HABP4: variants seen among roughly 807,000 people sequenced by gnomAD.
HABP4 encodes intracellular hyaluronan-binding protein 4.
A neutral mutation model predicts 44.1 loss-of-function variants in HABP4; 32 were observed. The ratio of observed to expected loss-of-function variants is 0.73; its 90% CI spans 0.55 to 0.97. The LOEUF is 0.97. HABP4 is among the 50% of genes least tolerant of loss of function. The probability of loss-of-function intolerance (pLI) is 0.00; values close to 1 mark genes in which losing one functional copy is unlikely to be tolerated. For missense variants in HABP4, 503 were observed against 561.9 expected, an observed-to-expected ratio of 0.90 and a Z score of 1.06; for synonymous variants, 216 against 218.0, an observed-to-expected ratio of 0.99 and a Z score of 0.08.
chr9:96,490,062 C>G lies in HABP4; in HGVS notation c.*24C>G. The G allele has an allele frequency of 6.9e-7, 1 of 1,449,450 alleles. No individual in the cohort carries two copies. Among genetic ancestry groups the G allele is most frequent in the Non-Finnish European group, 9.7e-7 (1 of 1,029,458 alleles). The allele number at this position is 1,449,450 out of a possible 1,614,324, so 89.8% of individuals were successfully genotyped here. ...GAAAGAGCCCTGTTTCCCAGCACCG[C>G]GGAGCTGCACTGCACACCTGTGGGG... On this transcript the variant is annotated 3_prime_UTR_variant, in exon 8 of 8. Transcript: ENST00000375249.
At chr9:96,459,310 GA>G (rs1008851215) in intron 2 of HABP4, among the ~76,000 whole-genome samples, 1 of 152,164 alleles carries the variant, frequency 6.6e-6, no homozygotes, top group African/African-American at 2.4e-5. Context: ...GAAATTTGAA[GA>G]AGAGTCTGTT....
At chr9:96,464,999 A>G (rs1832574477) in intron 2 of HABP4, among the ~76,000 whole-genome samples, 1 of 152,176 alleles carries the variant, frequency 6.6e-6, no homozygotes, top group Non-Finnish European at 1.5e-5. Flanking sequence ...AGAGAAAGGA[A>G]TGCCCCATTC....
At position 96,450,531 on chromosome 9, in the gene HABP4, C is replaced by CGCGG. The variant is rs1441985750; in HGVS notation, c.257_260dup (p.Arg89ProfsTer21). 8.1e-7 allele frequency: 1 copy of CGCGG among 1,232,466 alleles called. No individual in the cohort carries two copies. The highest frequency in any genetic ancestry group is 1.0e-6 in the Non-Finnish European group (1 of 987,470). 76.3% of individuals were successfully genotyped at this position (1,232,466 alleles called of 1,614,324 possible). ...CCGGGGCCTCGGGCCACAGAGCCGG[C>CGCGG]GCGGGCGGCCGGAGGGAGTCGCAGA... On this transcript the variant is annotated frameshift_variant, in exon 1 of 8. Transcript: ENST00000375249. LOFTEE classifies it high-confidence loss of function. This position sits in a 1 kb window ranked among gnomAD's most constrained non-coding sequence, Gnocchi z 4.8.
At position 96,470,843 on chromosome 9, in the gene HABP4, C is replaced by CGAGATT. The variant is rs1460828483; in HGVS notation, c.744-166_744-161dup. On this transcript the variant is annotated intron_variant, in intron 4 of 7. Coordinates refer to ENST00000375249, the MANE Select transcript of HABP4 (RefSeq NM_014282.4). The stretch of plus-strand genomic sequence containing the variant: ...ACCTGGGAGGGAGGTTGCACTGATC[C>CGAGATT]GAGATTGCACCACTGCACTCCAGCC... Among the ~76,000 whole-genome samples, 3 of 149,218 alleles carry CGAGATT rather than the reference C, an allele frequency of 2.0e-5. No homozygotes were observed. In the East Asian group the frequency reaches 6.0e-4, roughly 30 times the overall value.
At chr9:96,479,712 T>C (rs2131151434) in intron 5 of HABP4, among the ~76,000 whole-genome samples, 1 of 152,176 alleles carries the variant, frequency 6.6e-6, no homozygotes, top group South Asian at 2.1e-4. Context: ...GATTTCACCA[T>C]GTTGGCCAGG....
intron 2 of HABP4, among the ~76,000 whole-genome samples, 162 bp downstream of exon 2, chr9:96,458,703 A>C (rs1272040484): frequency 6.8e-6 from 1 of 147,812 alleles, no homozygotes; most frequent in African/African-American, 2.5e-5. Flanking sequence ...GGCTCACTGC[A>C]ACCTCCGCTC....
intron 4 of HABP4, among the ~76,000 whole-genome samples, chr9:96,467,134 G>T (rs1407503637): frequency 4.6e-5 from 7 of 151,972 alleles, no homozygotes; most frequent in Non-Finnish European, 1.5e-5. Flanking sequence ...CATTGGTCAG[G>T]CTGGTCTCGA....
In HABP4 at chr9:96,459,500, T is replaced by TA. The variant is rs1337337602; in HGVS notation, c.512+962dup. On this transcript the variant is annotated intron_variant, in intron 2 of 7. Coordinates refer to ENST00000375249, the MANE Select transcript of HABP4 (RefSeq NM_014282.4). ...TGTCTTATGTTTGGCACTTGCTGCT[T>TA]AAAGTCTTTGTTTAATCATTAAACC... is the stretch of plus-strand genomic sequence containing the variant. Among the ~76,000 whole-genome samples the TA allele has an allele frequency of 2.0e-5, 3 of 152,198 alleles. No homozygotes were observed. In the South Asian group the frequency reaches 6.2e-4, roughly 31 times the overall value.
At position 96,475,407 on chromosome 9, in the gene HABP4, A is replaced by G. The variant is rs1055830390; in HGVS notation, c.827+4313A>G. Among the ~76,000 whole-genome samples, 16 of 151,296 alleles carry G rather than the reference A, an allele frequency of 1.1e-4. 1 individual carries two copies. The highest frequency in any genetic ancestry group is 9.9e-4 in the Admixed American group (15 of 15,206). ...AACAACAACAAAAAAAAAAAAAAAA[A>G]GAAGAAAAAGAATAACATTTTTAGA... On this transcript the variant is annotated intron_variant, in intron 5 of 7. Coordinates refer to ENST00000375249, the MANE Select transcript of HABP4 (RefSeq NM_014282.4).
rs542325501 is a variant in HABP4 at position 96,490,531 on chromosome 9, C to T, written c.*493C>T. On this transcript the variant is annotated 3_prime_UTR_variant, in exon 8 of 8. Transcript: ENST00000375249. ...TGTTTACTTGTAAATGTTATCTTCT[C>T]TCCTGGAATATTTTGAGTTCTGGTT... 1 of 152,664 alleles carries T rather than the reference C, an allele frequency of 6.6e-6. No individual in the cohort carries two copies. Among genetic ancestry groups the T allele is most frequent in the Non-Finnish European group, 1.5e-5 (1 of 68,310 alleles). The allele number at this position is 152,664 out of a possible 1,614,324, so 9.5% of individuals were successfully genotyped here.
At position 96,489,963 on chromosome 9, in the gene HABP4, T is replaced by C; in HGVS notation, c.1186-19T>C. On this transcript the variant is annotated intron_variant, in intron 7 of 7. Coordinates refer to ENST00000375249, the MANE Select transcript of HABP4 (RefSeq NM_014282.4). ...GATGAAGGGGCAGTGGATTTCAAAG[T>C]ATTTCTTTTTTTCTTTAGATGCAAG... 6.7e-7 allele frequency: 1 copy of C among 1,490,048 alleles called. No individual in the cohort carries two copies. Among genetic ancestry groups the C allele is most frequent in the South Asian group, 1.1e-5 (1 of 88,522 alleles). The allele number at this position is 1,490,048 out of a possible 1,614,324, so 92.3% of individuals were successfully genotyped here.
intron 4 of HABP4, 64 bp downstream of exon 4, chr9:96,465,842 T>G (rs1245021685): frequency 2.6e-5 from 23 of 886,108 alleles, no homozygotes; most frequent in Non-Finnish European, 1.3e-5. Context: ...GATCTTTGCT[T>G]TTCTTGAAAA....
intron 5 of HABP4, among the ~76,000 whole-genome samples, chr9:96,479,047 T>A (rs947743920): frequency 6.6e-6 from 1 of 152,210 alleles, no homozygotes; most frequent in Non-Finnish European, 1.5e-5. Flanking sequence ...CACCAGGGAC[T>A]TGATTGTTTC....
At chr9:96,471,252 C>T (rs1190533254) in intron 5 of HABP4, among the ~76,000 whole-genome samples, 158 bp downstream of exon 5, 1 of 152,042 alleles carries the variant, frequency 6.6e-6, no homozygotes, top group Non-Finnish European at 1.5e-5. Flanking sequence ...AAGCGATTCT[C>T]CTGTCTCAGT....
Position 96,474,655 on chromosome 9 carries a change from C to G in HABP4, c.827+3561C>G, listed in dbSNP as rs149166815. Among the ~76,000 whole-genome samples, 12 of 152,228 alleles carry G rather than the reference C, an allele frequency of 7.9e-5. No individual in the cohort carries two copies. The East Asian group carries it at 2.1e-3, about 27-fold the overall frequency. Reference sequence around the variant, plus strand: ...GATTCTTTTTTCTGCACTGCCTTGTCAAATTTTAACATTATTACTAAAATT... The same window carrying G: ...GATTCTTTTTTCTGCACTGCCTTGTGAAATTTTAACATTATTACTAAAATT... On this transcript the variant is annotated intron_variant, in intron 5 of 7. Transcript: ENST00000375249.
At chr9:96,471,623 C>T (rs1157888585) in intron 5 of HABP4, among the ~76,000 whole-genome samples, 2 of 152,204 alleles carry the variant, frequency 1.3e-5, no homozygotes, top group Non-Finnish European at 2.9e-5. Flanking sequence ...CCTCTGCTCA[C>T]AAGCTCTTTT....
intron 5 of HABP4, among the ~76,000 whole-genome samples, chr9:96,480,080 T>A (rs746595557): frequency 6.6e-6 from 1 of 152,012 alleles, no homozygotes; most frequent in Non-Finnish European, 1.5e-5. Flanking sequence ...GAGGCTGAAG[T>A]GAGAGGATCC....
Position 96,488,894 on chromosome 9 carries a change from G to A in HABP4, c.1185+620G>A, listed in dbSNP as rs150690138. Reference sequence around the variant, plus strand: ...TTCTTTTCATTGAAGCCTGATCTCCGTGTGCGGCTGTATTCTCACTGGTGT... The same window carrying A: ...TTCTTTTCATTGAAGCCTGATCTCCATGTGCGGCTGTATTCTCACTGGTGT... On this transcript the variant is annotated intron_variant, in intron 7 of 7. Transcript: ENST00000375249. The surrounding 1 kb of genome is among the most constrained non-coding windows in gnomAD (Gnocchi z 4.6). Among the ~76,000 whole-genome samples, 134 of 152,252 alleles carry A rather than the reference G, an allele frequency of 8.8e-4. No individual in the cohort carries two copies. Among genetic ancestry groups the A allele is most frequent in the African/African-American group, 2.8e-3 (116 of 41,556 alleles).
chr9:96,475,828 ATC>A (rs1832777759), intron 5 of HABP4, among the ~76,000 whole-genome samples: 1 of 152,182 alleles, frequency 6.6e-6, no homozygotes, highest in Admixed American at 6.5e-5. Context: ...AATACAAACT[ATC>A]TGCAATAAAT....
Sources: allele counts gnomAD v4.1 joint callset (sites outside exome capture counted in the v4.1 genomes callset), GRCh38; gene constraint gnomAD v4.1.1; non-coding constraint Gnocchi (gnomAD v3.1); transcripts MANE v1.5; gene names NCBI Gene and HGNC (gene_info 2026-07-23, HGNC 2026-07-21).